Variants in NUDT3 observed in about 807,000 individuals in gnomAD.
The protein encoded by NUDT3 is diphosphoinositol polyphosphate phosphohydrolase 1.
NUDT3 carries 9 observed loss-of-function variants against 23.6 expected under a neutral mutation model. The ratio of observed to expected loss-of-function variants is 0.38; its 90% CI spans 0.23 to 0.66. NUDT3 has a LOEUF of 0.66. Among genes scored for constraint, NUDT3 ranks in the 30% least tolerant of loss-of-function variants. The pLI, the probability that NUDT3 is intolerant of heterozygous loss-of-function variation, is 0.52. For missense variants in NUDT3, 172 were observed against 218.5 expected, an observed-to-expected ratio of 0.79 and a Z score of 1.34; for synonymous variants, 86 against 82.6, an observed-to-expected ratio of 1.04 and a Z score of -0.22.
Position 34,283,202 on chromosome 6 carries a change from C to CTAT in NUDT3, c.*5550_*5551insATA, listed in dbSNP as rs1458831063. The CTAT allele has an allele frequency of 9.3e-6, 1 of 107,662 alleles. No homozygotes were observed. Among genetic ancestry groups the CTAT allele is most frequent in the African/African-American group, 3.3e-5 (1 of 30,526 alleles). 6.7% of individuals were successfully genotyped at this position (107,662 alleles called of 1,614,324 possible). A position where few individuals can be genotyped will look rare whatever the true frequency, so the allele number is the denominator to read the frequency against. ...ACAAAATGGGATTCCCTTCCCTTTT[C>CTAT]TTTTTTTTTTTTTTTTTTTTGAGAC... On this transcript the variant is annotated 3_prime_UTR_variant, in exon 5 of 5. Transcript: ENST00000607016.
chr6:34,298,429 C>A (rs1763548102), intron 2 of NUDT3, among the ~76,000 whole-genome samples: 1 of 151,230 alleles, frequency 6.6e-6, no homozygotes, highest in African/African-American at 2.5e-5. Context: ...GCTTTCGACA[C>A]CAACATATAT....
intron 4 of NUDT3, among the ~76,000 whole-genome samples, chr6:34,289,537 A>G (rs1028241670): frequency 6.6e-6 from 1 of 152,234 alleles, no homozygotes; most frequent in African/African-American, 2.4e-5. Context: ...ACTGCACTCC[A>G]GCAGGGTGAC....
chr6:34,331,402 G>C (rs971500872), intron 2 of NUDT3, among the ~76,000 whole-genome samples: 9 of 149,676 alleles, frequency 6.0e-5, no homozygotes, highest in East Asian at 1.9e-4. Flanking sequence ...ACATGCTGTG[G>C]AATTTTTATT....
At chr6:34,293,342 G>A in intron 4 of NUDT3, 109 bp downstream of exon 4, 1 of 1,300,202 alleles carries the variant, frequency 7.7e-7, no homozygotes, top group Non-Finnish European at 1.1e-6. Flanking sequence ...GGTTATAGGT[G>A]TGAGCCACTG....
intron 1 of NUDT3, among the ~76,000 whole-genome samples, chr6:34,383,020 G>T (rs1048143294): frequency 2.0e-5 from 3 of 151,576 alleles, no homozygotes; most frequent in African/African-American, 7.3e-5. Flanking sequence ...CCAGCTACTC[G>T]GGAGGCTGAG....
intron 1 of NUDT3, among the ~76,000 whole-genome samples, chr6:34,382,917 G>C (rs888391250): frequency 6.6e-6 from 1 of 151,918 alleles, no homozygotes; most frequent in East Asian, 1.9e-4. Context: ...CACAAGGTCA[G>C]GAGTTCGAGA....
rs1764722314 is a variant in NUDT3, at chr6:34,365,996, G to C, written c.100-24024C>G. ...GCAGAGGTTGCAGTGAGCCAAGATT[G>C]CGCCACTGCACTCTAGCCTGAGAGC... On this transcript the variant is annotated intron_variant, in intron 1 of 4. Transcript: ENST00000607016. 2.6e-5 allele frequency among the ~76,000 whole-genome samples: 4 copies of C among 152,104 alleles called. No individual in the cohort carries two copies. The South Asian group carries it at 8.3e-4, about 31-fold the overall frequency.
chr6:34,332,258 T>G (rs1442197897), intron 2 of NUDT3, among the ~76,000 whole-genome samples: 1 of 152,158 alleles, frequency 6.6e-6, no homozygotes, highest in Non-Finnish European at 1.5e-5. Context: ...TTTACTATAC[T>G]CTTATATTAA....
chr6:34,304,251 C>CA (rs60576919), intron 2 of NUDT3, among the ~76,000 whole-genome samples: 3,219 of 80,888 alleles, frequency 0.04, 49 homozygotes, highest in East Asian at 0.098. Context: ...AACTCTGTCT[C>CA]AAAAAAAAAA....
chr6:34,377,287 C>G (rs1764939832), intron 1 of NUDT3, among the ~76,000 whole-genome samples: 1 of 152,034 alleles, frequency 6.6e-6, no homozygotes, highest in Non-Finnish European at 1.5e-5. Context: ...GACATGTCCA[C>G]AGTTTTAAAA....
intron 2 of NUDT3, among the ~76,000 whole-genome samples, chr6:34,313,540 C>T (rs1015592798): frequency 1.6e-4 from 24 of 151,896 alleles, no homozygotes; most frequent in Non-Finnish European, 2.4e-4. Context: ...GTACATTGAC[C>T]GTAGCAAATG....
At chr6:34,321,499 A>C (rs901302528) in intron 2 of NUDT3, among the ~76,000 whole-genome samples, 1 of 152,162 alleles carries the variant, frequency 6.6e-6, no homozygotes, top group African/African-American at 2.4e-5. Flanking sequence ...CATTAATAGA[A>C]TTAGTTTTAA....
chr6:34,382,345 T>C (rs534927855), intron 1 of NUDT3, among the ~76,000 whole-genome samples: 81 of 151,054 alleles, frequency 5.4e-4, no homozygotes, highest in African/African-American at 1.6e-3. Flanking sequence ...TGGGGCTGCA[T>C]TGAGCTATGA....
intron 1 of NUDT3, among the ~76,000 whole-genome samples, chr6:34,391,841 G>A (rs1221148886): frequency 7.0e-6 from 1 of 142,466 alleles, no homozygotes; most frequent in African/African-American, 2.6e-5. Context: ...CTGCCACAAA[G>A]GCCGGCCCGC....
intron 2 of NUDT3, among the ~76,000 whole-genome samples, chr6:34,313,177 A>G (rs1008648491): frequency 4.0e-5 from 6 of 151,118 alleles, no homozygotes; most frequent in Non-Finnish European, 1.5e-5. Context: ...CTTGTCTCTG[A>G]AAAAAAAACC....
Position 34,296,856 on chromosome 6 carries a change from G to T in NUDT3, c.211-1171C>A, listed in dbSNP as rs1466105470. On this transcript the variant is annotated intron_variant, in intron 2 of 4. Transcript: ENST00000607016. ...CATAAACATGGTAATTCTGCTACGGGTAAGTATCATGACAGAAATACACAG... is the reference window on the plus strand; with the variant it reads ...CATAAACATGGTAATTCTGCTACGGTTAAGTATCATGACAGAAATACACAG... Among the ~76,000 whole-genome samples the T allele has an allele frequency of 2.0e-5, 3 of 151,800 alleles. No individual in the cohort carries two copies. The East Asian group carries it at 5.8e-4, about 29-fold the overall frequency.
chr6:34,358,028 T>C (rs1214855224), intron 1 of NUDT3, among the ~76,000 whole-genome samples: 3 of 152,330 alleles, frequency 2.0e-5, no homozygotes, highest in Non-Finnish European at 4.4e-5. Context: ...TTGCCAGTTG[T>C]TCCTATATGC....
At chr6:34,295,025 T>C (rs1306399482) in intron 3 of NUDT3, among the ~76,000 whole-genome samples, 2 of 152,172 alleles carry the variant, frequency 1.3e-5, no homozygotes, top group Non-Finnish European at 1.5e-5. Flanking sequence ...TTTGTTATAG[T>C]TACTTATCTT....
Position 34,392,429 on chromosome 6 carries a change from C to A in NUDT3, c.-67G>T. On this transcript the variant is annotated 5_prime_UTR_variant, in exon 1 of 5. Transcript: ENST00000607016. Reference sequence around the variant, plus strand: ...CGAGGGGTGGGGAGCCCGCTCTGGACGGCCGCGTGCGCGCGCGCCCCCGGC... The same window carrying A: ...CGAGGGGTGGGGAGCCCGCTCTGGAAGGCCGCGTGCGCGCGCGCCCCCGGC... The A allele has an allele frequency of 8.1e-7, 1 of 1,232,124 alleles. No homozygotes were observed. The highest frequency in any genetic ancestry group is 2.7e-5 in the East Asian group (1 of 36,668). The allele number at this position is 1,232,124 out of a possible 1,614,324, so 76.3% of individuals were successfully genotyped here.
Sources: allele counts gnomAD v4.1 joint callset (sites outside exome capture counted in the v4.1 genomes callset), GRCh38; gene constraint gnomAD v4.1.1; transcripts MANE v1.5; gene names NCBI Gene and HGNC (gene_info 2026-07-23, HGNC 2026-07-21).